DENND2C: variants seen among roughly 807,000 people sequenced by gnomAD.
DENND2C encodes the protein DENN domain containing 2C, also known as DENN domain-containing protein 2C.
Under a neutral mutation model 112.4 loss-of-function variants are expected in DENND2C, and 72 were observed. The ratio of observed to expected loss-of-function variants is 0.64; its 90% CI spans 0.53 to 0.78. DENND2C has a LOEUF of 0.78. Ranked by LOEUF, DENND2C falls within the 30% of genes least tolerant of loss-of-function variation. The pLI is 0.00. For missense variants in DENND2C, 992 were observed against 1,113.8 expected (o/e 0.89, Z 1.56); for synonymous variants, 329 against 381.6 (o/e 0.86, Z 1.61).
Position 114,625,284 on chromosome 1 carries a change from TCA to T in DENND2C, c.699_700del (p.Cys233Ter). On this transcript the variant is annotated stop_gained and frameshift_variant, in exon 4 of 21. Transcript: ENST00000393274. LOFTEE classifies it high-confidence loss of function. ...AGAGTTATTTTCACAGTATTTTTTG[TCA>T]CAGTTTCTTTCTTTATACGGCGTAA... 1 of 1,614,200 alleles carries T rather than the reference TCA, an allele frequency of 6.2e-7. No homozygotes were observed. The highest frequency in any genetic ancestry group is 8.5e-7 in the Non-Finnish European group (1 of 1,180,024).
intron 3 of DENND2C, among the ~76,000 whole-genome samples, chr1:114,643,790 T>C (rs186712432): frequency 9.1e-4 from 139 of 152,224 alleles, no homozygotes; most frequent in Admixed American, 3.9e-3. Context: ...TGTTGAGATA[T>C]TTGTCATGGA....
intron 4 of DENND2C, among the ~76,000 whole-genome samples, chr1:114,623,979 G>C (rs1022382151): frequency 6.6e-6 from 1 of 152,086 alleles, no homozygotes; most frequent in Non-Finnish European, 1.5e-5. Context: ...CAGGTGATCT[G>C]CCTGCCTCGG....
At position 114,618,446 on chromosome 1, in the gene DENND2C, T is replaced by C; in HGVS notation, c.1264A>G (p.Arg422Gly). Residue 422 changes from arginine (R) to glycine (G), a missense_variant, in exon 8 of 21, where the codon AGA (arginine) becomes GGA (glycine). Physicochemically the swap from Arg to Gly is moderately radical, Grantham distance 125. Coordinates refer to ENST00000393274, the MANE Select transcript of DENND2C (RefSeq NM_001256404.2). ...LKIDDIFESK[R>G]GKKKVKLHSY... ...TGTAACTTTACCTTCTTCTTCCCTC[T>C]TTTAGATTCAAATATGTCATCTATT... is the stretch of plus-strand genomic sequence containing the variant. 3 of 1,594,652 alleles carry C rather than the reference T, an allele frequency of 1.9e-6. No individual in the cohort carries two copies. Among genetic ancestry groups the C allele is most frequent in the Non-Finnish European group, 2.6e-6 (3 of 1,172,576 alleles).
At chr1:114,640,456 T>C (rs750079554) in intron 3 of DENND2C, among the ~76,000 whole-genome samples, 1 of 152,206 alleles carries the variant, frequency 6.6e-6, no homozygotes, top group Non-Finnish European at 1.5e-5. Flanking sequence ...AAATAATCAA[T>C]GAAATAAGAT....
rs1207052797 is a variant in DENND2C at position 114,645,492 on chromosome 1, T to C, written c.-249A>G. ...TAGATTTCTACAGCCTCCAGACTTGTGAGAATATCAATCTCTGGCGTTTGA... is the reference window on the plus strand; with the variant it reads ...TAGATTTCTACAGCCTCCAGACTTGCGAGAATATCAATCTCTGGCGTTTGA... On this transcript the variant is annotated 5_prime_UTR_variant, in exon 3 of 21. Transcript: ENST00000393274. The C allele has an allele frequency of 6.6e-6, 1 of 152,182 alleles. No individual in the cohort carries two copies. Among genetic ancestry groups the C allele is most frequent in the Non-Finnish European group, 1.5e-5 (1 of 68,030 alleles). 9.4% of individuals were successfully genotyped at this position (152,182 alleles called of 1,614,324 possible). A position where few individuals can be genotyped will look rare whatever the true frequency, so the allele number is the denominator to read the frequency against.
chr1:114,591,276 T>C (rs1343641740), intron 18 of DENND2C, among the ~76,000 whole-genome samples: 3 of 152,194 alleles, frequency 2.0e-5, no homozygotes, highest in Non-Finnish European at 4.4e-5. Context: ...ACAGATTTTT[T>C]AGTTTTTGTG....
Position 114,608,877 on chromosome 1 carries a change from T to C in DENND2C, c.1370-4A>G, listed in dbSNP as rs1178472238. On this transcript the variant is annotated splice_polypyrimidine_tract_variant and splice_region_variant and intron_variant, in intron 9 of 20. Transcript: ENST00000393274. Reference sequence around the variant, plus strand: ...TGTGCTAAGCGTTTATGGCGATCTGTAATGAAATCATGGAGAAATGTTTTT... The same window carrying C: ...TGTGCTAAGCGTTTATGGCGATCTGCAATGAAATCATGGAGAAATGTTTTT... The C allele has an allele frequency of 1.9e-6, 3 of 1,613,888 alleles. No homozygotes were observed. In the African/African-American group the frequency reaches 4.0e-5, roughly 22 times the overall value.
rs1355553290 is a variant in DENND2C at position 114,611,090 on chromosome 1, G to C, written c.1352C>G (p.Ala451Gly). 4 of 1,614,142 alleles carry C rather than the reference G, an allele frequency of 2.5e-6. No homozygotes were observed. The Admixed American group carries it at 5.0e-5, about 20-fold the overall frequency. ...KGETSGNESD[A>G]EYLPKNRHKR... ...TCACTCACTCTTTGGCAGATACTCG[G>C]CATCACTTTCGTTCCCACTGGTTTC... Residue 451 changes from alanine to glycine, a missense_variant, in exon 9 of 21, where the codon GCC becomes GGC. Ala to Gly is a moderately conservative substitution (Grantham distance 60). Around this residue, in one of 3 missense-constraint regions of DENND2C, gnomAD observed 516 missense variants for 623.6 expected, o/e 0.83. Coordinates refer to ENST00000393274, the MANE Select transcript of DENND2C (RefSeq NM_001256404.2).
In DENND2C at chr1:114,599,351, C is replaced by T. The variant is rs775405891; in HGVS notation, c.2206G>A (p.Val736Met). Reference sequence around the variant, plus strand: ...ATAAGGAATGGTGTAGGTGAGCACACGATGTCAATCATAGATGCTGGCAGG... The same window carrying T: ...ATAAGGAATGGTGTAGGTGAGCACATGATGTCAATCATAGATGCTGGCAGG... ...PVLPASMIDI[V>M]CSPTPFLIGI... Residue 736 changes from valine to methionine, a missense_variant, in exon 16 of 21, where the codon GTG (valine) becomes ATG (methionine). Coordinates refer to ENST00000393274, the MANE Select transcript of DENND2C (RefSeq NM_001256404.2). 11 of 1,613,926 alleles carry T rather than the reference C, an allele frequency of 6.8e-6. No individual in the cohort carries two copies. The highest frequency in any genetic ancestry group is 1.6e-4 in the Middle Eastern group (1 of 6,082).
At position 114,625,320 on chromosome 1, in the gene DENND2C, T is replaced by G. The variant is rs150382555; in HGVS notation, c.665A>C (p.Glu222Ala). 9.7e-5 allele frequency: 156 copies of G among 1,614,186 alleles called. 1 individual carries two copies. The East Asian group carries it at 3.4e-3, about 35-fold the overall frequency. Residue 222 changes from glutamate to alanine, a missense_variant, in exon 4 of 21, where the codon GAA (glutamate) becomes GCA (alanine). Physicochemically the swap from Glu to Ala is moderately radical, Grantham distance 107. Coordinates refer to ENST00000393274, the MANE Select transcript of DENND2C (RefSeq NM_001256404.2). ...KPRRTFRYLS[E>A]SGVTPYKERN... ...TTCTTTATACGGCGTAACACCAGAT[T>G]CGGATAAATATCTGAATGTCCTACG...
intron 3 of DENND2C, among the ~76,000 whole-genome samples, chr1:114,635,045 G>GA (rs1391992155): frequency 2.3e-5 from 3 of 128,780 alleles, no homozygotes; most frequent in African/African-American, 5.4e-5. Context: ...AAAAAAAAAA[G>GA]AAAAAAAAGA....
At chr1:114,605,554 G>T (rs1455919791) in intron 10 of DENND2C, among the ~76,000 whole-genome samples, 1 of 152,236 alleles carries the variant, frequency 6.6e-6, no homozygotes, top group Non-Finnish European at 1.5e-5. Flanking sequence ...CACTTTGGGA[G>T]CCCAAGGTGG....
chr1:114,642,633 G>A (rs1189781106), intron 3 of DENND2C, among the ~76,000 whole-genome samples: 1 of 152,058 alleles, frequency 6.6e-6, no homozygotes, highest in East Asian at 1.9e-4. Flanking sequence ...CCTAATTCTT[G>A]TAACAACCCC....
At chr1:114,627,705 T>G (rs187351586) in intron 3 of DENND2C, among the ~76,000 whole-genome samples, 2 of 152,228 alleles carry the variant, frequency 1.3e-5, no homozygotes, top group African/African-American at 4.8e-5. Flanking sequence ...GATAAAAAAC[T>G]AATGCATACA....
At chr1:114,632,734 G>GT (rs146384693) in intron 3 of DENND2C, among the ~76,000 whole-genome samples, 2,425 of 151,804 alleles carry the variant, frequency 0.016, 57 homozygotes, top group African/African-American at 0.055. Context: ...AACTTGTGGG[G>GT]TTTTTTTTAA....
At chr1:114,633,729 T>C (rs1656566253) in intron 3 of DENND2C, among the ~76,000 whole-genome samples, 2 of 151,864 alleles carry the variant, frequency 1.3e-5, no homozygotes, top group Non-Finnish European at 2.9e-5. Flanking sequence ...ACAACAATAG[T>C]AAAAAACTCA....
chr1:114,663,442 ATTTAAAT>A (rs1412388801), intron 1 of DENND2C, among the ~76,000 whole-genome samples: 11 of 152,372 alleles, frequency 7.2e-5, no homozygotes, highest in African/African-American at 2.4e-4. Flanking sequence ...AGTATTTTCC[ATTTAAAT>A]GAGAAATGGG....
At chr1:114,663,951 C>CTTT (rs538184910) in intron 1 of DENND2C, among the ~76,000 whole-genome samples, 8 of 131,004 alleles carry the variant, frequency 6.1e-5, no homozygotes, top group East Asian at 2.2e-4. Flanking sequence ...TACTGCTATT[C>CTTT]TTTTTTTTTT....
chr1:114,613,171 A>C (rs1429595121), intron 8 of DENND2C, among the ~76,000 whole-genome samples: 1 of 152,248 alleles, frequency 6.6e-6, no homozygotes, highest in Non-Finnish European at 1.5e-5. Flanking sequence ...TTTTACATCT[A>C]TGCAATGAAA....
Sources: gnomAD v4.1 joint callset for allele counts (sites outside exome capture counted in the v4.1 genomes callset) on GRCh38, gnomAD v4.1.1 for gene constraint, gnomAD v4.1.1 regional missense constraint, MANE v1.5 for transcripts, NCBI Gene and HGNC (gene_info 2026-07-23, HGNC 2026-07-21) for gene names.